The following DNM3 variants were observed in gnomAD, a reference collection of about 807,000 sequenced individuals.
DNM3 encodes the protein dynamin 3.
Under a neutral mutation model 101.6 loss-of-function variants are expected in DNM3, and 47 were observed. The observed-to-expected ratio is 0.46, with a 90% CI of 0.37 to 0.59. The LOEUF (loss-of-function observed/expected upper bound fraction) is 0.59, where lower values mean the gene tolerates loss of function less well. Among genes scored for constraint, DNM3 ranks in the 20% least tolerant of loss-of-function variants. The pLI is 0.00. For missense variants in DNM3, 849 were observed against 1,085.7 expected (o/e 0.78, Z 3.06); for synonymous variants, 385 against 387.9 (o/e 0.99, Z 0.09).
chr1:171,918,789 CTG>C (rs1338916983), intron 1 of DNM3, among the ~76,000 whole-genome samples: 1 of 152,094 alleles, frequency 6.6e-6, no homozygotes, highest in Non-Finnish European at 1.5e-5. Flanking sequence ...TTAGATGTAT[CTG>C]TGTATTTTTA....
rs536747184 is a variant in DNM3 at position 172,316,618 on chromosome 1, A to G, written c.1882-6711A>G. 2.7e-3 allele frequency among the ~76,000 whole-genome samples: 414 copies of G among 152,224 alleles called. 1 individual carries two copies. The highest frequency in any genetic ancestry group is 9.4e-3 in the African/African-American group (389 of 41,498). ...TCTCTGATAAAACAGACTTTAAACC[A>G]ACAAAGATCAAAAGAGACAAAGAAG... On this transcript the variant is annotated intron_variant, in intron 16 of 20. Transcript: ENST00000627582.
chr1:172,370,499 G>T (rs772820230), intron 17 of DNM3, among the ~76,000 whole-genome samples: 5 of 151,950 alleles, frequency 3.3e-5, no homozygotes, highest in Non-Finnish European at 5.9e-5. Flanking sequence ...CTATCTTTAT[G>T]ATCTCAGGCA....
At position 172,198,936 on chromosome 1, in the gene DNM3, T is replaced by G. The variant is rs567301198; in HGVS notation, c.1660-54637T>G. Among the ~76,000 whole-genome samples the G allele has an allele frequency of 2.6e-5, 4 of 152,240 alleles. No individual in the cohort carries two copies. In the Middle Eastern group the frequency reaches 0.014, roughly 518 times the overall value. Reference sequence around the variant, plus strand: ...GTTAAGCTTTAATTTTTGATATTTCTCATCTTCTGCTAGCTTTGGGATTGA... The same window carrying G: ...GTTAAGCTTTAATTTTTGATATTTCGCATCTTCTGCTAGCTTTGGGATTGA... On this transcript the variant is annotated intron_variant, in intron 14 of 20. Coordinates refer to ENST00000627582, the MANE Select transcript of DNM3 (RefSeq NM_015569.5).
At chr1:172,296,604 CA>C (rs1187121263) in intron 15 of DNM3, among the ~76,000 whole-genome samples, 1 of 152,212 alleles carries the variant, frequency 6.6e-6, no homozygotes, top group Non-Finnish European at 1.5e-5. Flanking sequence ...GGAATATTAG[CA>C]GGTGACCTTC....
At chr1:171,910,955 A>C (rs889559838) in intron 1 of DNM3, among the ~76,000 whole-genome samples, 1 of 152,198 alleles carries the variant, frequency 6.6e-6, no homozygotes, top group Non-Finnish European at 1.5e-5. Flanking sequence ...TCCTCAATAA[A>C]GAAAGAGGCA....
chr1:171,960,234 T>TAG (rs35534770), intron 2 of DNM3, among the ~76,000 whole-genome samples: 96,726 of 151,688 alleles, frequency 0.64, 30,966 homozygotes, highest in Middle Eastern at 0.68. Context: ...CACCTGAGGC[T>TAG]AAGAATGACA....
At chr1:172,270,957 T>C (rs906427561) in intron 15 of DNM3, among the ~76,000 whole-genome samples, 2 of 152,184 alleles carry the variant, frequency 1.3e-5, no homozygotes, top group African/African-American at 4.8e-5. Context: ...CTTTTATAGG[T>C]AAGAGTATGA....
intron 14 of DNM3, among the ~76,000 whole-genome samples, chr1:172,164,228 T>TTTC (rs1458224277): frequency 1.6e-3 from 160 of 99,806 alleles, no homozygotes; most frequent in African/African-American, 9.7e-3. Context: ...TTTTCTTTTC[T>TTTC]TTTCTTTTTT....
chr1:172,003,006 T>C (rs1467158513), intron 4 of DNM3, among the ~76,000 whole-genome samples: 1 of 152,022 alleles, frequency 6.6e-6, no homozygotes, highest in Admixed American at 6.6e-5. Context: ...AGTTTGAATG[T>C]AGAAATTTAA....
At chr1:172,086,766 A>T (rs1057452296) in intron 12 of DNM3, among the ~76,000 whole-genome samples, 12 of 151,662 alleles carry the variant, frequency 7.9e-5, no homozygotes, top group Admixed American at 7.9e-4. Context: ...GCTACTAAAC[A>T]AGTCTAAAAG....
intron 14 of DNM3, among the ~76,000 whole-genome samples, chr1:172,159,562 T>C (rs1263025273): frequency 1.3e-5 from 2 of 152,122 alleles, no homozygotes; most frequent in Non-Finnish European, 2.9e-5. Context: ...GTAGATGATG[T>C]GACTATCAAT....
chr1:172,158,078 T>C (rs578212557), intron 14 of DNM3, among the ~76,000 whole-genome samples: 166 of 152,042 alleles, frequency 1.1e-3, no homozygotes, highest in African/African-American at 3.8e-3. Flanking sequence ...GGGGTTGCAA[T>C]GTTAAGTAGC....
intron 14 of DNM3, among the ~76,000 whole-genome samples, chr1:172,253,230 C>T (rs1186562509): frequency 6.6e-6 from 1 of 152,104 alleles, no homozygotes; most frequent in African/African-American, 2.4e-5. Flanking sequence ...AAAGGACCCA[C>T]ATGAGGGGGA....
chr1:172,298,190 C>T (rs1324735370), intron 15 of DNM3, among the ~76,000 whole-genome samples: 3 of 152,072 alleles, frequency 2.0e-5, no homozygotes, highest in Non-Finnish European at 2.9e-5. Context: ...TCTGCTTTCC[C>T]CAAAGGTTCT....
chr1:172,274,177 C>T (rs764270288), intron 15 of DNM3, among the ~76,000 whole-genome samples: 6 of 152,024 alleles, frequency 3.9e-5, no homozygotes, highest in Non-Finnish European at 8.8e-5. Flanking sequence ...TCCCCTCCTA[C>T]TCAACCCCAA....
chr1:172,169,594 G>A lies in DNM3; in HGVS notation c.1659+38306G>A, dbSNP rs114680251. 9.7e-3 allele frequency among the ~76,000 whole-genome samples: 1,468 copies of A among 151,896 alleles called. 24 individuals carry two copies. The highest frequency in any genetic ancestry group is 0.034 in the African/African-American group (1,400 of 41,484). ...AATATTGTAGTTAATATAAGCCTTTGAGTTTGGCTTATATTAACTAGAATA... is the reference window on the plus strand; with the variant it reads ...AATATTGTAGTTAATATAAGCCTTTAAGTTTGGCTTATATTAACTAGAATA... On this transcript the variant is annotated intron_variant, in intron 14 of 20. Transcript: ENST00000627582.
chr1:172,207,998 T>C (rs1290465904), intron 14 of DNM3, among the ~76,000 whole-genome samples: 1 of 152,074 alleles, frequency 6.6e-6, no homozygotes, highest in Non-Finnish European at 1.5e-5. Context: ...ACAGTAACAA[T>C]GCTAAGTTTG....
At chr1:172,402,703 A>C (rs549723963) in intron 20 of DNM3, among the ~76,000 whole-genome samples, 25 of 152,320 alleles carry the variant, frequency 1.6e-4, no homozygotes, top group African/African-American at 4.6e-4. Flanking sequence ...TCTTCTGATA[A>C]TGACTAACAA....
intron 2 of DNM3, among the ~76,000 whole-genome samples, chr1:171,944,780 A>G (rs943138610): frequency 4.6e-5 from 7 of 151,010 alleles, no homozygotes; most frequent in Non-Finnish European, 1.0e-4. Flanking sequence ...TTATTGTACA[A>G]TATTGGAAAT....
Sources: gnomAD v4.1 joint callset for allele counts (sites outside exome capture counted in the v4.1 genomes callset) on GRCh38, gnomAD v4.1.1 for gene constraint, MANE v1.5 for transcripts, NCBI Gene and HGNC (gene_info 2026-07-23, HGNC 2026-07-21) for gene names.